TCN2: variants seen among roughly 807,000 people sequenced by gnomAD.
The protein encoded by TCN2 is transcobalamin-2.
Under a neutral mutation model 48.6 loss-of-function variants are expected in TCN2, and 34 were observed. The ratio of observed to expected loss-of-function variants is 0.70; its 90% CI spans 0.53 to 0.93. TCN2 has a LOEUF of 0.93. Ranked by LOEUF, TCN2 falls within the 40% of genes least tolerant of loss-of-function variation. The pLI is 0.00. For synonymous variants in TCN2, 283 were observed against 212.5 expected, an observed-to-expected ratio of 1.33 and a Z score of -2.89; for missense variants, 652 against 526.1, an observed-to-expected ratio of 1.24 and a Z score of -2.34.
chr22:30,623,689 A>G (rs531418801), intron 8 of TCN2, among the ~76,000 whole-genome samples: 1 of 123,664 alleles, frequency 8.1e-6, no homozygotes, highest in South Asian at 2.4e-4. Flanking sequence ...ATGTGTATAC[A>G]TATATATGAA....
chr22:30,611,371 C>T (rs748326418), intron 2 of TCN2, among the ~76,000 whole-genome samples: 9 of 152,058 alleles, frequency 5.9e-5, no homozygotes, highest in Non-Finnish European at 1.0e-4. Context: ...CCTTAGTGTG[C>T]CTGAGGCAGA....
Position 30,615,301 on chromosome 22 carries a change from A to G in TCN2, c.581A>G (p.Asp194Gly). ...EPFHQGHHSV[D>G]TAAMAGLAFT... ...TGCATGTTCTGTCCCCCACTTCAAG[A>G]CACAGCAGCCATGGCAGGCTTGGCA... Residue 194 changes from aspartate to glycine, a missense_variant and splice_region_variant, in exon 5 of 9, where the codon GAC becomes GGC. Coordinates refer to ENST00000215838, the MANE Select transcript of TCN2 (RefSeq NM_000355.4). The G allele has an allele frequency of 6.2e-7, 1 of 1,614,136 alleles. No homozygotes were observed. The highest frequency in any genetic ancestry group is 8.5e-7 in the Non-Finnish European group (1 of 1,180,028).
intron 1 of TCN2, among the ~76,000 whole-genome samples, chr22:30,608,020 T>A (rs1215426205): frequency 6.6e-6 from 1 of 151,964 alleles, no homozygotes; most frequent in Non-Finnish European, 1.5e-5. Context: ...CCTTCGGAGG[T>A]CCTGCCTGCT....
At chr22:30,615,217 T>C in intron 4 of TCN2, 84 bp from the exon 5 acceptor site, 1 of 1,478,322 alleles carries the variant, frequency 6.8e-7, no homozygotes, top group Middle Eastern at 1.7e-4. Context: ...TGTCCATAGC[T>C]ACAAGGGCCT....
In TCN2 at chr22:30,615,575, CT is replaced by C. The variant is rs2087600859; in HGVS notation, c.754-25del. ...GCCCCTCCCTGCCGGCTGACTTCCT[CT>C]CTCTCTTCCTCACTCTATCACCAGT... On this transcript the variant is annotated intron_variant, in intron 5 of 8. Transcript: ENST00000215838. The C allele has an allele frequency of 2.5e-6, 4 of 1,613,922 alleles. No homozygotes were observed. In the African/African-American group the frequency reaches 5.3e-5, roughly 22 times the overall value.
At position 30,626,843 on chromosome 22, in the gene TCN2, G is replaced by A. The variant is rs1030639072; in HGVS notation, c.*322G>A. 18 of 457,762 alleles carry A rather than the reference G, an allele frequency of 3.9e-5. No individual in the cohort carries two copies. The highest frequency in any genetic ancestry group is 6.3e-4 in the Middle Eastern group (1 of 1,578). 28.4% of individuals were successfully genotyped at this position (457,762 alleles called of 1,614,324 possible). ...GACTCCTTGGCAAAAAACGGAGTCCGCAGGCCGCAGGTGTTGTGAAGACCA... is the reference window on the plus strand; with the variant it reads ...GACTCCTTGGCAAAAAACGGAGTCCACAGGCCGCAGGTGTTGTGAAGACCA... On this transcript the variant is annotated 3_prime_UTR_variant, in exon 9 of 9. Transcript: ENST00000215838.
At chr22:30,611,438 C>CT (rs2087539386) in intron 2 of TCN2, among the ~76,000 whole-genome samples, 1 of 152,232 alleles carries the variant, frequency 6.6e-6, no homozygotes, top group Non-Finnish European at 1.5e-5. Context: ...GCATCTGACT[C>CT]TGTATGCTCC....
At chr22:30,622,128 C>T (rs1168851193) in intron 7 of TCN2, among the ~76,000 whole-genome samples, 1 of 152,228 alleles carries the variant, frequency 6.6e-6, no homozygotes, top group African/African-American at 2.4e-5. Context: ...GCTGGGATTA[C>T]TGGCATGAAC....
intron 7 of TCN2, 103 bp downstream of exon 7, chr22:30,617,598 G>A: frequency 1.3e-6 from 2 of 1,489,448 alleles, no homozygotes; most frequent in South Asian, 2.3e-5. Flanking sequence ...CCTCGGGAGA[G>A]ACACTGGCCC....
intron 8 of TCN2, 107 bp from the exon 9 acceptor site, chr22:30,626,353 G>C (rs901582484): frequency 9.9e-6 from 12 of 1,216,426 alleles, no homozygotes; most frequent in Middle Eastern, 4.0e-4. Flanking sequence ...CAAGCCCCAG[G>C]TGGATTCTTA....
At position 30,623,821 on chromosome 22, in the gene TCN2, C is replaced by CATATATACACACACAT. The variant is rs1189547818; in HGVS notation, c.1222+741_1222+742insTATACACACACATATA. On this transcript the variant is annotated intron_variant, in intron 8 of 8. Coordinates refer to ENST00000215838, the MANE Select transcript of TCN2 (RefSeq NM_000355.4). ...ACACACATACACATATATACACACA[C>CATATATACACACACAT]ATACACACACATATACACACACATA... Among the ~76,000 whole-genome samples the CATATATACACACACAT allele has an allele frequency of 1.5e-3, 46 of 30,626 alleles. 15 individuals carry two copies. Among genetic ancestry groups the CATATATACACACACAT allele is most frequent in the Non-Finnish European group, 2.5e-3 (44 of 17,732 alleles). The allele number at this position is 30,626 out of a possible 152,430, so 20.1% of individuals were successfully genotyped here. A position where few individuals can be genotyped will look rare whatever the true frequency, so the allele number is the denominator to read the frequency against.
In TCN2 at chr22:30,624,043, TAC is replaced by T. The variant is rs1198211935; in HGVS notation, c.1222+978_1222+979del. Among the ~76,000 whole-genome samples the T allele has an allele frequency of 4.9e-4, 14 of 28,620 alleles. 5 individuals carry two copies. Among genetic ancestry groups the T allele is most frequent in the East Asian group, 3.8e-3 (10 of 2,604 alleles). 18.8% of individuals were successfully genotyped at this position (28,620 alleles called of 152,430 possible). Reference sequence around the variant, plus strand: ...ACACACATATATATGTATACATATATACACACACACACACACACATATATATA... The same window carrying T: ...ACACACATATATATGTATACATATATACACACACACACACACATATATATA... On this transcript the variant is annotated intron_variant, in intron 8 of 8. Transcript: ENST00000215838.
chr22:30,613,608 C>G (rs576766653), intron 3 of TCN2, among the ~76,000 whole-genome samples: 1 of 152,254 alleles, frequency 6.6e-6, no homozygotes, highest in South Asian at 2.1e-4. Flanking sequence ...GGCTAGCCAC[C>G]AAGATTGACT....
intron 7 of TCN2, among the ~76,000 whole-genome samples, chr22:30,617,934 G>C (rs76348547): frequency 6.6e-6 from 1 of 151,810 alleles, no homozygotes; most frequent in Non-Finnish European, 1.5e-5. Flanking sequence ...ACTGTTTTTT[G>C]TTTGTTTGTT....
intron 1 of TCN2, among the ~76,000 whole-genome samples, chr22:30,610,621 A>G (rs928556131): frequency 5.9e-5 from 9 of 151,916 alleles, no homozygotes. Flanking sequence ...TGGCAGTAGC[A>G]TCCTCTATCT....
At position 30,627,240 on chromosome 22, in the gene TCN2, GCACT is replaced by G. The variant is rs2087823550; in HGVS notation, c.*725_*728del. 1 of 156,834 alleles carries G rather than the reference GCACT, an allele frequency of 6.4e-6. No homozygotes were observed. Among genetic ancestry groups the G allele is most frequent in the South Asian group, 1.9e-4 (1 of 5,168 alleles). The allele number at this position is 156,834 out of a possible 1,614,324, so 9.7% of individuals were successfully genotyped here. A position where few individuals can be genotyped will look rare whatever the true frequency, so the allele number is the denominator to read the frequency against. On this transcript the variant is annotated 3_prime_UTR_variant, in exon 9 of 9. Transcript: ENST00000215838. The stretch of plus-strand genomic sequence containing the variant: ...ACTGAGCACCCACTACTATGACTGA[GCACT>G]CACTCGCTAGATACTATCTTGAACT...
chr22:30,617,713 GC>G, intron 7 of TCN2: 2 of 621,372 alleles, frequency 3.2e-6, no homozygotes, highest in Non-Finnish European at 5.5e-6. Flanking sequence ...TGGAGGCAGA[GC>G]CCCCCAGTTG....
chr22:30,623,229 T>C (rs931130459), intron 8 of TCN2, 146 bp downstream of exon 8: 4 of 704,486 alleles, frequency 5.7e-6, no homozygotes, highest in African/African-American at 5.6e-5. Context: ...GGATATAATA[T>C]ATTGAACTGA....
At position 30,615,476 on chromosome 22, in the gene TCN2, G is replaced by A. The variant is rs1417978690; in HGVS notation, c.753+3G>A. On this transcript the variant is annotated splice_donor_region_variant and intron_variant, in intron 5 of 8. Transcript: ENST00000215838. ...ACAGCACCCCATTGGCATTACAGGTGGGAAAGAGACCCTGGAGCCATGGCC... is the reference window on the plus strand; with the variant it reads ...ACAGCACCCCATTGGCATTACAGGTAGGAAAGAGACCCTGGAGCCATGGCC... The A allele has an allele frequency of 9.9e-6, 16 of 1,613,954 alleles. No homozygotes were observed. Among genetic ancestry groups the A allele is most frequent in the Non-Finnish European group, 1.1e-5 (13 of 1,180,034 alleles).
Sources: allele counts gnomAD v4.1 joint callset (sites outside exome capture counted in the v4.1 genomes callset), GRCh38; gene constraint gnomAD v4.1.1; transcripts MANE v1.5; gene names NCBI Gene and HGNC (gene_info 2026-07-23, HGNC 2026-07-21).